The following ZNF385D variants were observed in gnomAD, a reference collection of about 807,000 sequenced individuals.
The protein encoded by ZNF385D is zinc finger protein 385D.
In ZNF385D, 15 loss-of-function variants were observed where a neutral mutation model predicts 35.8. The ratio of observed to expected loss-of-function variants is 0.42; its 90% CI spans 0.28 to 0.64. The LOEUF is 0.64. Ranked by LOEUF, ZNF385D falls within the 30% of genes least tolerant of loss-of-function variation. ZNF385D has a pLI of 0.23. For missense variants in ZNF385D, 474 were observed against 494.6 expected, an observed-to-expected ratio of 0.96 and a Z score of 0.39; for synonymous variants, 212 against 186.8, an observed-to-expected ratio of 1.13 and a Z score of -1.10.
At chr3:21,428,343 G>A (rs1701118833) in intron 5 of ZNF385D, among the ~76,000 whole-genome samples, 1 of 151,974 alleles carries the variant, frequency 6.6e-6, no homozygotes, top group Non-Finnish European at 1.5e-5. Context: ...AATAAACTGA[G>A]ACTCAGAAAG....
At chr3:22,319,942 CTATT>C (rs1694328054) in intron 2 of ZNF385D, among the ~76,000 whole-genome samples, 1 of 152,038 alleles carries the variant, frequency 6.6e-6, no homozygotes, top group African/African-American at 2.4e-5. Context: ...AAACATCTTA[CTATT>C]TATTATTTTG....
chr3:21,817,413 A>G (rs1284774127), intron 3 of ZNF385D, among the ~76,000 whole-genome samples: 2 of 152,138 alleles, frequency 1.3e-5, no homozygotes, highest in Non-Finnish European at 2.9e-5. Context: ...AGAATGGGAG[A>G]AAATTGTTGC....
chr3:22,028,075 TG>T (rs1697679278), intron 3 of ZNF385D, among the ~76,000 whole-genome samples: 2 of 152,148 alleles, frequency 1.3e-5, no homozygotes, highest in African/African-American at 4.8e-5. Flanking sequence ...CACCGATTCA[TG>T]GGCTGTAGTC....
At chr3:21,770,897 T>C (rs917102347) in intron 3 of ZNF385D, among the ~76,000 whole-genome samples, 2 of 152,056 alleles carry the variant, frequency 1.3e-5, no homozygotes, top group Non-Finnish European at 2.9e-5. Flanking sequence ...CACCATGGAA[T>C]ACAATGCAGC....
chr3:22,110,568 C>T (rs1280083667), intron 3 of ZNF385D, among the ~76,000 whole-genome samples: 5 of 151,220 alleles, frequency 3.3e-5, no homozygotes, highest in Admixed American at 3.3e-4. Context: ...TGTTCTCACT[C>T]ATAGATGGGA....
intron 3 of ZNF385D, among the ~76,000 whole-genome samples, chr3:21,873,084 A>G (rs991015260): frequency 5.3e-5 from 8 of 152,178 alleles, no homozygotes; most frequent in African/African-American, 1.7e-4. Context: ...CTTTATTGGT[A>G]CAAGTGGATT....
chr3:22,174,767 C>G (rs1694704710), intron 2 of ZNF385D, among the ~76,000 whole-genome samples: 1 of 152,108 alleles, frequency 6.6e-6, no homozygotes, highest in African/African-American at 2.4e-5. Context: ...GGGTAGATGA[C>G]AGCTGGCTAT....
intron 3 of ZNF385D, among the ~76,000 whole-genome samples, chr3:21,789,999 C>T (rs3914317): frequency 0.24 from 37,257 of 152,084 alleles, 4,945 homozygotes; most frequent in Non-Finnish European, 0.29. Flanking sequence ...TTACTAGCCT[C>T]AGATAGATGT....
intron 3 of ZNF385D, among the ~76,000 whole-genome samples, chr3:21,559,416 C>G (rs75137994): frequency 0.014 from 2,084 of 152,208 alleles, 49 homozygotes; most frequent in African/African-American, 0.047. Context: ...CCTTCACTTA[C>G]AAAGCTTAGT....
At chr3:21,703,194 C>T (rs957366233) in intron 1 of ZNF385D, among the ~76,000 whole-genome samples, 9 of 152,022 alleles carry the variant, frequency 5.9e-5, no homozygotes, top group Admixed American at 1.3e-4. Flanking sequence ...AGAATCATGG[C>T]GGGAGGTGAA....
intron 3 of ZNF385D, among the ~76,000 whole-genome samples, chr3:22,140,890 C>A (rs932730660): frequency 6.6e-6 from 1 of 152,138 alleles, no homozygotes; most frequent in Non-Finnish European, 1.5e-5. Context: ...TGAGACAATA[C>A]AATACCCTAC....
chr3:22,187,577 G>C (rs1373233583), intron 2 of ZNF385D, among the ~76,000 whole-genome samples: 2 of 152,032 alleles, frequency 1.3e-5, no homozygotes, highest in Non-Finnish European at 2.9e-5. Flanking sequence ...AATGAAGTTA[G>C]TGAAGAAACC....
intron 2 of ZNF385D, among the ~76,000 whole-genome samples, chr3:22,370,610 G>T (rs987706133): frequency 6.6e-6 from 1 of 152,170 alleles, no homozygotes; most frequent in African/African-American, 2.4e-5. Flanking sequence ...GAGGCTCAAA[G>T]AGGTTGTGTA....
intron 2 of ZNF385D, among the ~76,000 whole-genome samples, chr3:22,365,610 C>T (rs945602694): frequency 3.9e-5 from 6 of 152,026 alleles, no homozygotes; most frequent in Non-Finnish European, 8.8e-5. Flanking sequence ...ATTTAACACA[C>T]CACCAAAATA....
intron 2 of ZNF385D, among the ~76,000 whole-genome samples, chr3:22,369,119 C>A (rs953844608): frequency 6.6e-6 from 1 of 152,122 alleles, no homozygotes; most frequent in Non-Finnish European, 1.5e-5. Context: ...ACCTTGAGTT[C>A]CAAGCTCTTG....
At chr3:22,215,283 G>A (rs1056105672) in intron 2 of ZNF385D, among the ~76,000 whole-genome samples, 3 of 152,064 alleles carry the variant, frequency 2.0e-5, no homozygotes, top group East Asian at 3.9e-4. Flanking sequence ...AGGAACAAGA[G>A]AGATAACCTT....
intron 2 of ZNF385D, among the ~76,000 whole-genome samples, chr3:22,235,275 C>G (rs1699115506): frequency 6.6e-6 from 1 of 151,980 alleles, no homozygotes; most frequent in African/African-American, 2.4e-5. Context: ...TAAAGAGTTT[C>G]ATTCATTTAA....
intron 2 of ZNF385D, among the ~76,000 whole-genome samples, chr3:21,574,487 CATT>C (rs1339022611): frequency 6.6e-6 from 1 of 152,056 alleles, no homozygotes; most frequent in Non-Finnish European, 1.5e-5. Flanking sequence ...GCACAATAAA[CATT>C]AGGAGACAAT....
At chr3:22,166,534 C>T (rs1361941732) in intron 3 of ZNF385D, among the ~76,000 whole-genome samples, 1 of 152,062 alleles carries the variant, frequency 6.6e-6, no homozygotes. Flanking sequence ...CTGATGTTAT[C>T]CTCAATGTCC....
Sources: gnomAD v4.1 joint callset for allele counts (sites outside exome capture counted in the v4.1 genomes callset) on GRCh38, gnomAD v4.1.1 for gene constraint, MANE v1.5 for transcripts, NCBI Gene and HGNC (gene_info 2026-07-23, HGNC 2026-07-21) for gene names.